TRPM2: variants seen among roughly 807,000 people sequenced by gnomAD.
TRPM2 encodes estrogen-responsive element-associated gene 1 protein.
In TRPM2, 161 loss-of-function variants were observed where a neutral mutation model predicts 174.0. That is an observed-to-expected ratio of 0.93 (90% CI 0.81 to 1.05). TRPM2 has a LOEUF of 1.05. Ranked by LOEUF, TRPM2 falls within the 50% of genes least tolerant of loss-of-function variation. TRPM2 has a pLI of 0.00. For synonymous variants in TRPM2, 954 were observed against 861.3 expected (o/e 1.11, Z -1.88); for missense variants, 2,057 against 2,038.0 (o/e 1.01, Z -0.18).
Position 44,414,009 on chromosome 21 carries a change from C to G in TRPM2, c.3081C>G (p.Leu1027=). 6.2e-7 allele frequency: 1 copy of G among 1,613,826 alleles called. No individual in the cohort carries two copies. The change falls in exon 20 of 32, where the codon CTC becomes CTG. Residue 1027 remains leucine (L), a synonymous_variant. Coordinates refer to ENST00000397928, the MANE Select transcript of TRPM2 (RefSeq NM_003307.4). ...CCTTCCCTGAGTGGCTGACGGTCCT[C>G]CTACTCTGCCTCTACCTGCTCTTCA... ...RPAFPEWLTV[L]LLCLYLLFTN... is the part of the protein sequence containing the mutation.
chr21:44,405,798 C>A, intron 17 of TRPM2, 107 bp from the exon 18 acceptor site: 1 of 1,425,328 alleles, frequency 7.0e-7, no homozygotes, highest in Non-Finnish European at 9.4e-7. Context: ...AGCCCTTTGC[C>A]TCCAGGGCCC....
chr21:44,413,103 G>A (rs190894089), intron 19 of TRPM2, among the ~76,000 whole-genome samples: 98 of 151,938 alleles, frequency 6.4e-4, no homozygotes, highest in Non-Finnish European at 1.2e-3. Context: ...CACGCAGGAC[G>A]CTATTTTTCT....
intron 2 of TRPM2, among the ~76,000 whole-genome samples, chr21:44,355,070 C>T (rs192299351): frequency 1.3e-5 from 2 of 152,156 alleles, no homozygotes; most frequent in East Asian, 3.9e-4. Flanking sequence ...CACACCTGCC[C>T]CCACCCCAAG....
chr21:44,417,901 A>C, intron 20 of TRPM2, 26 bp from the exon 21 acceptor site: 1 of 1,602,004 alleles, frequency 6.2e-7, no homozygotes, highest in Non-Finnish European at 8.5e-7. Flanking sequence ...CCTGACCTCG[A>C]GGTGTTGCTT....
chr21:44,434,334 C>T (rs893788869), intron 27 of TRPM2, among the ~76,000 whole-genome samples: 1 of 146,916 alleles, frequency 6.8e-6, no homozygotes, highest in East Asian at 2.0e-4. Context: ...GTGGCAGGGA[C>T]GCTGGCAGGG....
At chr21:44,405,649 A>G (rs184355227) in intron 17 of TRPM2, among the ~76,000 whole-genome samples, 1 of 152,210 alleles carries the variant, frequency 6.6e-6, no homozygotes, top group Non-Finnish European at 1.5e-5. Context: ...CGGAGGCAAT[A>G]GGGCCCTGGC....
rs1377912686 is a variant in TRPM2, at chr21:44,426,741, G to A, written c.3872+5G>A. On this transcript the variant is annotated splice_donor_5th_base_variant and intron_variant, in intron 26 of 31. Transcript: ENST00000397928. ...CGCCATGGACCCCATGGGAGAGTGA[G>A]TATGAGCCGCTGTCCGTGCTCCCAG... 1.2e-6 allele frequency: 2 copies of A among 1,613,846 alleles called. No individual in the cohort carries two copies. Among genetic ancestry groups the A allele is most frequent in the South Asian group, 1.1e-5 (1 of 91,086 alleles).
In TRPM2 at chr21:44,418,017, C is replaced by G. The variant is rs372801595; in HGVS notation, c.3237C>G (p.Ala1079=). 4.3e-6 allele frequency: 7 copies of G among 1,613,062 alleles called. No homozygotes were observed. The highest frequency in any genetic ancestry group is 5.9e-6 in the Non-Finnish European group (7 of 1,180,000). The change falls in exon 21 of 32, where the codon GCC becomes GCG. Residue 1079 remains alanine (A), a synonymous_variant. Coordinates refer to ENST00000397928, the MANE Select transcript of TRPM2 (RefSeq NM_003307.4). ...TCGAGGAGTACCACGGCCGCCCCGC[C>G]GCGCCGCCCCCCTTCATCCTCCTCA... ...DLIEEYHGRP[A]APPPFILLSH... is the part of the protein sequence containing the mutation.
At position 44,354,664 on chromosome 21, in the gene TRPM2, C is replaced by T. The variant is rs200293453; in HGVS notation, c.182C>T (p.Ser61Leu). The change falls in exon 2 of 32, where the codon TCG becomes TTG. Residue 61 changes from serine (S) to leucine (L), a missense_variant. By Grantham distance (145) the Ser-to-Leu change is moderately radical (BLOSUM62 -2). Transcript: ENST00000397928. The surrounding 1 kb of genome is among the most constrained non-coding windows in gnomAD (Gnocchi z 4.3). ...TACCTTCAGCAAGAAAGCCTCAGTT[C>T]GTGGATTCCTGAAAACATCAAGAAG... ...GNNDKQESLS[S>L]WIPENIKKKE... 5.1e-5 allele frequency: 82 copies of T among 1,614,026 alleles called. No individual in the cohort carries two copies. Among genetic ancestry groups the T allele is most frequent in the Non-Finnish European group, 6.3e-5 (74 of 1,180,028 alleles).
chr21:44,402,260 G>A (rs1200255404), intron 16 of TRPM2, among the ~76,000 whole-genome samples: 3 of 152,120 alleles, frequency 2.0e-5, no homozygotes, highest in Non-Finnish European at 4.4e-5. Flanking sequence ...GTTCAATAAC[G>A]AGCCAGAAGG....
chr21:44,379,289 T>C, intron 8 of TRPM2, 92 bp downstream of exon 8: 1 of 1,446,050 alleles, frequency 6.9e-7, no homozygotes, highest in Admixed American at 1.8e-5. Flanking sequence ...CATGGACCGA[T>C]GCGGAGAACC....
intron 20 of TRPM2, chr21:44,415,920 A>G (rs987123180): frequency 6.6e-6 from 1 of 152,122 alleles, no homozygotes; most frequent in Non-Finnish European, 1.5e-5. Context: ...AATGCTGAGG[A>G]CCTCACACCA....
intron 22 of TRPM2, chr21:44,422,324 G>C: frequency 6.5e-7 from 1 of 1,536,158 alleles, no homozygotes; most frequent in African/African-American, 1.4e-5. Flanking sequence ...AATCTAGACA[G>C]TTCCTGCATC....
intron 28 of TRPM2, among the ~76,000 whole-genome samples, chr21:44,436,737 A>G (rs2051285543): frequency 1.3e-5 from 2 of 150,768 alleles, no homozygotes; most frequent in Admixed American, 1.3e-4. Context: ...CTGGATTCCC[A>G]CTGGCATTTT....
chr21:44,407,693 A>G lies in TRPM2; in HGVS notation c.2962+928A>G, dbSNP rs1044667557. ...TTTCATAGAAACTGGATGATGTAAT[A>G]GGCAGTCTTTGGTGTCTGACTTCTT... On this transcript the variant is annotated intron_variant, in intron 19 of 31. Transcript: ENST00000397928. 1.3e-4 allele frequency among the ~76,000 whole-genome samples: 19 copies of G among 151,808 alleles called. 1 individual carries two copies. The highest frequency in any genetic ancestry group is 5.3e-4 in the Admixed American group (8 of 15,172).
intron 19 of TRPM2, among the ~76,000 whole-genome samples, chr21:44,408,145 C>T (rs943518077): frequency 6.6e-6 from 1 of 151,936 alleles, no homozygotes; most frequent in African/African-American, 2.4e-5. Context: ...TGGGGTTTCA[C>T]CATGTTGGAC....
chr21:44,414,193 G>A (rs1396770744), intron 20 of TRPM2, 119 bp downstream of exon 20: 1 of 1,300,514 alleles, frequency 7.7e-7, no homozygotes, highest in Non-Finnish European at 1.1e-6. Flanking sequence ...GGTGCACAGA[G>A]GCGCGTCACT....
At chr21:44,381,379 T>TGATG (rs941643059) in intron 8 of TRPM2, among the ~76,000 whole-genome samples, 13 of 151,488 alleles carry the variant, frequency 8.6e-5, no homozygotes, top group East Asian at 3.9e-4. Flanking sequence ...AGGGATGCCA[T>TGATG]GATGGATGGA....
Position 44,355,559 on chromosome 21 carries a change from G to A in TRPM2, c.254+823G>A, listed in dbSNP as rs578173887. Among the ~76,000 whole-genome samples, 5 of 152,172 alleles carry A rather than the reference G, an allele frequency of 3.3e-5. 1 individual carries two copies. The highest frequency in any genetic ancestry group is 4.1e-4 in the South Asian group (2 of 4,836). On this transcript the variant is annotated intron_variant, in intron 2 of 31. Transcript: ENST00000397928. The stretch of plus-strand genomic sequence containing the variant: ...AAGTGAGCTTCCCTCCTACCGCACC[G>A]TGTGTTTCTCTTTGATCCCAGCTGT...
Sources: gnomAD v4.1 joint callset for allele counts (sites outside exome capture counted in the v4.1 genomes callset) on GRCh38, gnomAD v4.1.1 for gene constraint, Gnocchi (gnomAD v3.1) non-coding constraint, MANE v1.5 for transcripts, NCBI Gene and HGNC (gene_info 2026-07-23, HGNC 2026-07-21) for gene names.